ADGRD1: variants seen among roughly 807,000 people sequenced by gnomAD.
ADGRD1 encodes the protein G-protein coupled receptor 133.
A neutral mutation model predicts 113.4 loss-of-function variants in ADGRD1; 77 were observed. The observed-to-expected ratio is 0.68, with a 90% CI of 0.57 to 0.82. The LOEUF (loss-of-function observed/expected upper bound fraction) is 0.82. Among genes scored for constraint, ADGRD1 ranks in the 40% least tolerant of loss-of-function variants. The pLI, the probability that ADGRD1 is intolerant of heterozygous loss-of-function variation, is 0.00. For missense variants in ADGRD1, 1,036 were observed against 1,139.1 expected, an observed-to-expected ratio of 0.91 and a Z score of 1.30; for synonymous variants, 474 against 475.0, an observed-to-expected ratio of 1.00 and a Z score of 0.03.
rs1593236520 is a variant in ADGRD1, at chr12:131,113,197, A to G, written c.2041+4320A>G. On this transcript the variant is annotated intron_variant, in intron 18 of 24. Coordinates refer to ENST00000261654, the MANE Select transcript of ADGRD1 (RefSeq NM_198827.5). This position sits in a 1 kb window ranked among gnomAD's most constrained non-coding sequence, Gnocchi z 4.9. ...AAGATTTAGTAGATTTTCTTGAGCC[A>G]GTTTTTCTCAATTTGCTGTAAACCC... is the stretch of plus-strand genomic sequence containing the variant. Among the ~76,000 whole-genome samples the G allele has an allele frequency of 6.6e-6, 1 of 152,232 alleles. No individual in the cohort carries two copies. Among genetic ancestry groups the G allele is most frequent in the African/African-American group, 2.4e-5 (1 of 41,476 alleles).
At chr12:131,008,201 C>T (rs1459418462) in intron 12 of ADGRD1, among the ~76,000 whole-genome samples, 1 of 152,210 alleles carries the variant, frequency 6.6e-6, no homozygotes, top group East Asian at 1.9e-4. Context: ...ATTTTGTAAG[C>T]TGATTGGGCA....
intron 13 of ADGRD1, among the ~76,000 whole-genome samples, chr12:131,064,290 C>T (rs4759833): frequency 0.23 from 34,628 of 152,132 alleles, 4,707 homozygotes; most frequent in South Asian, 0.43. Context: ...TAAGTTAGCT[C>T]TAGGTTTTTT....
chr12:131,004,509 A>G (rs1189673780), intron 11 of ADGRD1, among the ~76,000 whole-genome samples: 1 of 151,714 alleles, frequency 6.6e-6, no homozygotes, highest in African/African-American at 2.4e-5. Context: ...CCTCATGGAC[A>G]CGCTTGAGAG....
intron 2 of ADGRD1, among the ~76,000 whole-genome samples, chr12:130,958,389 G>A (rs1209997003): frequency 2.0e-5 from 3 of 151,854 alleles, no homozygotes; most frequent in African/African-American, 2.4e-5. Context: ...TAGTAGAGAC[G>A]GGGTTTCACC....
rs189368992 is a variant in ADGRD1, at chr12:130,960,861, C to T, written c.104-5602C>T. Reference sequence around the variant, plus strand: ...TGAAAGAAAGAGTGGATGGTGGTGGCGACGAAGGGGTGGCATGAGGGGAGG... The same window carrying T: ...TGAAAGAAAGAGTGGATGGTGGTGGTGACGAAGGGGTGGCATGAGGGGAGG... On this transcript the variant is annotated intron_variant, in intron 2 of 24. Transcript: ENST00000261654. 4.5e-3 allele frequency among the ~76,000 whole-genome samples: 690 copies of T among 152,104 alleles called. 5 individuals carry two copies. Among genetic ancestry groups the T allele is most frequent in the Non-Finnish European group, 6.3e-3 (428 of 67,984 alleles).
At chr12:130,994,886 G>A (rs1369421577) in intron 8 of ADGRD1, among the ~76,000 whole-genome samples, 1 of 152,210 alleles carries the variant, frequency 6.6e-6, no homozygotes, top group Non-Finnish European at 1.5e-5. Context: ...TAGCTGGAAA[G>A]CTGCCTGTGG....
At chr12:131,006,113 A>C (rs1877079103) in intron 12 of ADGRD1, 66 bp downstream of exon 12, 1 of 1,323,816 alleles carries the variant, frequency 7.6e-7, no homozygotes, top group East Asian at 2.3e-5. Context: ...GGCTGGCCAC[A>C]GGGATGCCCG....
chr12:130,988,542 A>G (rs1176667032), intron 6 of ADGRD1: 1 of 152,230 alleles, frequency 6.6e-6, no homozygotes, highest in Admixed American at 6.5e-5. Flanking sequence ...AACCCAATTC[A>G]AGATAACTTT....
At chr12:131,012,278 T>C (rs1878019773) in intron 12 of ADGRD1, among the ~76,000 whole-genome samples, 2 of 18,826 alleles carry the variant, frequency 1.1e-4, no homozygotes, top group South Asian at 3.4e-3. Context: ...TTTCTTTTCA[T>C]TTTTTTTTTT....
At chr12:131,026,672 G>A (rs1879993157) in intron 13 of ADGRD1, 1 of 152,320 alleles carries the variant, frequency 6.6e-6, no homozygotes, top group Non-Finnish European at 1.5e-5. Flanking sequence ...GGCTGGCCTG[G>A]GCATTGCAGG....
chr12:131,096,961 G>A lies in ADGRD1; in HGVS notation c.1672-7870G>A, dbSNP rs921953700. ...GAGGAGGCCCAGCAGCTCTTCTCTCGCCCCTACACGTGGCTTTTTGGGCAG... is the reference window on the plus strand; with the variant it reads ...GAGGAGGCCCAGCAGCTCTTCTCTCACCCCTACACGTGGCTTTTTGGGCAG... On this transcript the variant is annotated intron_variant, in intron 15 of 24. Coordinates refer to ENST00000261654, the MANE Select transcript of ADGRD1 (RefSeq NM_198827.5). The surrounding 1 kb of genome is among the most constrained non-coding windows in gnomAD (Gnocchi z 5.2). 5.9e-5 allele frequency among the ~76,000 whole-genome samples: 9 copies of A among 152,084 alleles called. No homozygotes were observed. The highest frequency in any genetic ancestry group is 1.0e-4 in the Non-Finnish European group (7 of 68,008).
intron 2 of ADGRD1, among the ~76,000 whole-genome samples, chr12:130,964,307 G>T (rs1467816009): frequency 2.6e-5 from 4 of 151,970 alleles, no homozygotes; most frequent in Non-Finnish European, 1.5e-5. Flanking sequence ...CTGGTATAAA[G>T]AGTGAGGTTG....
chr12:131,138,263 C>A (rs1566146639), intron 24 of ADGRD1, 34 bp downstream of exon 24: 3 of 1,569,510 alleles, frequency 1.9e-6, no homozygotes, highest in African/African-American at 1.3e-5. Context: ...AGGGTCCCAG[C>A]CCATCCTCCT....
intron 4 of ADGRD1, among the ~76,000 whole-genome samples, chr12:130,975,465 C>A (rs1250150288): frequency 1.3e-5 from 2 of 152,150 alleles, no homozygotes; most frequent in African/African-American, 4.8e-5. Context: ...GAATACTGAA[C>A]AAGGGCCATT....
chr12:131,116,527 G>A (rs552581047), intron 18 of ADGRD1, among the ~76,000 whole-genome samples: 1 of 152,258 alleles, frequency 6.6e-6, no homozygotes, highest in Non-Finnish European at 1.5e-5. Context: ...GCACTGGAGG[G>A]CTGCGGCCTG....
intron 11 of ADGRD1, among the ~76,000 whole-genome samples, chr12:131,004,722 G>A (rs1876871648): frequency 1.3e-5 from 2 of 152,200 alleles, no homozygotes; most frequent in Admixed American, 1.3e-4. Context: ...TCAGGTAGCT[G>A]TGGGCCAGGT....
At position 131,139,491 on chromosome 12, in the gene ADGRD1, G is replaced by T. The variant is rs3741459; in HGVS notation, c.*228G>T. 2.3e-5 allele frequency: 12 copies of T among 518,634 alleles called. No homozygotes were observed. The highest frequency in any genetic ancestry group is 2.1e-4 in the African/African-American group (11 of 51,796). 32.1% of individuals were successfully genotyped at this position (518,634 alleles called of 1,614,324 possible). A position where few individuals can be genotyped will look rare whatever the true frequency, so the allele number is the denominator to read the frequency against. ...GGGCCCTCCTGCCTTGCATCCACCC[G>T]TGGGCTGAGTGACTTCCTCGGGGGA... On this transcript the variant is annotated 3_prime_UTR_variant, in exon 25 of 25. Transcript: ENST00000261654.
chr12:130,989,073 C>T (rs923191557), intron 6 of ADGRD1: 5 of 152,192 alleles, frequency 3.3e-5, no homozygotes, highest in East Asian at 1.9e-4. Context: ...ACATTTACAT[C>T]TTCCAGCTTC....
chr12:131,043,432 T>C (rs1190012774), intron 13 of ADGRD1, among the ~76,000 whole-genome samples: 3 of 152,194 alleles, frequency 2.0e-5, no homozygotes, highest in African/African-American at 7.2e-5. Context: ...AGCTCTGGGC[T>C]CCTCCAGCAG....
Sources: allele counts gnomAD v4.1 joint callset (sites outside exome capture counted in the v4.1 genomes callset), GRCh38; gene constraint gnomAD v4.1.1; non-coding constraint Gnocchi (gnomAD v3.1); transcripts MANE v1.5; gene names NCBI Gene and HGNC (gene_info 2026-07-23, HGNC 2026-07-21).